Variants in IL7 observed in about 807,000 individuals in gnomAD.
IL7 encodes the protein interleukin-7.
In IL7, 3 loss-of-function variants were observed where a neutral mutation model predicts 21.6. The observed-to-expected ratio is 0.14, with a 90% CI of 0.06 to 0.36. The LOEUF is 0.36. Ranked by LOEUF, IL7 falls within the 10% of genes least tolerant of loss-of-function variation. The pLI is 1.00. For synonymous variants in IL7, 62 were observed against 68.1 expected (o/e 0.91, Z 0.44); for missense variants, 175 against 200.2 (o/e 0.87, Z 0.76).
intron 1 of IL7, among the ~76,000 whole-genome samples, chr8:78,799,084 T>C (rs1370955891): frequency 6.6e-6 from 1 of 152,182 alleles, no homozygotes; most frequent in African/African-American, 2.4e-5. Context: ...GACCTATTTC[T>C]TCATAAACCT....
At chr8:78,772,149 T>A (rs1812979333) in intron 2 of IL7, among the ~76,000 whole-genome samples, 2 of 152,312 alleles carry the variant, frequency 1.3e-5, no homozygotes, top group South Asian at 4.1e-4. Flanking sequence ...TTGGCAGGGC[T>A]AGCATGCAAA....
At position 78,778,374 on chromosome 8, in the gene IL7, G is replaced by C. The variant is rs533505684; in HGVS notation, c.147+19698C>G. ...CCCATTAAAATTGTTATTCCACTCTGAGTCACTAGAGTTCTTGAAGAGGGG... is the reference window on the plus strand; with the variant it reads ...CCCATTAAAATTGTTATTCCACTCTCAGTCACTAGAGTTCTTGAAGAGGGG... On this transcript the variant is annotated intron_variant, in intron 2 of 5. Coordinates refer to ENST00000263851, the MANE Select transcript of IL7 (RefSeq NM_000880.4). 1.4e-4 allele frequency among the ~76,000 whole-genome samples: 21 copies of C among 152,188 alleles called. No homozygotes were observed. The South Asian group carries it at 4.3e-3, about 32-fold the overall frequency.
chr8:78,676,125 T>TA (rs145824687), intron 4 of IL7: 23,178 of 193,204 alleles, frequency 0.12, 273 homozygotes, highest in Middle Eastern at 0.17. Context: ...ACAAACAAAA[T>TA]AAAAAAAAAA....
At chr8:78,750,741 G>A (rs777835138) in intron 2 of IL7, among the ~76,000 whole-genome samples, 5 of 152,074 alleles carry the variant, frequency 3.3e-5, no homozygotes, top group African/African-American at 4.8e-5. Flanking sequence ...GGAGAATGGC[G>A]TGAACCTGAG....
chr8:78,692,795 A>G (rs1381803087), intron 3 of IL7, among the ~76,000 whole-genome samples: 2 of 152,118 alleles, frequency 1.3e-5, no homozygotes, highest in Admixed American at 6.5e-5. Context: ...GGTTTGTTAC[A>G]TACGTGTACA....
intron 2 of IL7, among the ~76,000 whole-genome samples, chr8:78,785,692 C>T (rs1447551313): frequency 6.6e-6 from 1 of 152,088 alleles, no homozygotes; most frequent in East Asian, 1.9e-4. Context: ...TTCTTTTAGT[C>T]TTTTTATTTT....
At chr8:78,690,574 A>G (rs1374062572) in intron 3 of IL7, among the ~76,000 whole-genome samples, 3 of 151,976 alleles carry the variant, frequency 2.0e-5, no homozygotes, top group Non-Finnish European at 4.4e-5. Flanking sequence ...AAAAAAAAAA[A>G]ACTTTGGCCA....
At chr8:78,772,569 G>A (rs868225304) in intron 2 of IL7, among the ~76,000 whole-genome samples, 2 of 151,982 alleles carry the variant, frequency 1.3e-5, no homozygotes, top group South Asian at 4.1e-4. Flanking sequence ...CTAACATCAC[G>A]GATAGGTTCT....
chr8:78,707,071 A>G (rs1469891640), intron 3 of IL7, among the ~76,000 whole-genome samples: 1 of 152,272 alleles, frequency 6.6e-6, no homozygotes, highest in East Asian at 1.9e-4. Flanking sequence ...CAATGAGTTG[A>G]CTCATTGGAT....
exon 5 of IL7, chr8:78,675,860 A>G (rs1236475421): frequency 1.9e-6 from 3 of 1,609,886 alleles, no homozygotes; most frequent in East Asian, 2.2e-5. Context: ...TTCCAGTAGC[A>G]TTAGTGAGTA....
chr8:78,691,970 C>G (rs1810227481), intron 3 of IL7, among the ~76,000 whole-genome samples: 1 of 152,104 alleles, frequency 6.6e-6, no homozygotes, highest in African/African-American at 2.4e-5. Context: ...TTCATGGATA[C>G]AATGTGCAAT....
chr8:78,690,621 A>G (rs1810179381), intron 3 of IL7, among the ~76,000 whole-genome samples: 1 of 152,048 alleles, frequency 6.6e-6, no homozygotes, highest in South Asian at 2.1e-4. Flanking sequence ...TTTATAATTG[A>G]CTTGTCAACA....
At chr8:78,776,757 T>C (rs1252510729) in intron 2 of IL7, among the ~76,000 whole-genome samples, 1 of 152,086 alleles carries the variant, frequency 6.6e-6, no homozygotes, top group Admixed American at 6.6e-5. Context: ...CTATGAAGTA[T>C]GGGTCCTAAT....
chr8:78,687,791 ACATTATATATATTCATG>A (rs1221373315), intron 3 of IL7, among the ~76,000 whole-genome samples: 3 of 134,980 alleles, frequency 2.2e-5, no homozygotes, highest in Non-Finnish European at 3.1e-5. Context: ...TTTACGTAAT[ACATTATATATATTCATG>A]TAATAAATAT....
chr8:78,735,289 T>TG (rs905964032), intron 5 of IL7, among the ~76,000 whole-genome samples: 1 of 123,556 alleles, frequency 8.1e-6, no homozygotes, highest in African/African-American at 3.5e-5. Flanking sequence ...TTTTTTTTTT[T>TG]TTTGTTTTTT....
chr8:78,693,399 T>A (rs1271071241), intron 3 of IL7, among the ~76,000 whole-genome samples: 1 of 152,186 alleles, frequency 6.6e-6, no homozygotes, highest in Non-Finnish European at 1.5e-5. Context: ...ACCTGTTGTT[T>A]CCTGATTTTT....
chr8:78,720,639 T>C, intron 5 of IL7, among the ~76,000 whole-genome samples: 1 of 151,878 alleles, frequency 6.6e-6, no homozygotes. Context: ...CTTTGTTTTG[T>C]TGTGATTTTA....
intron 3 of IL7, among the ~76,000 whole-genome samples, chr8:78,687,805 C>T (rs1810061795): frequency 1.1e-4 from 14 of 131,070 alleles, no homozygotes; most frequent in African/African-American, 2.8e-4. Flanking sequence ...TATATATATT[C>T]ATGTAATAAA....
At chr8:78,722,342 T>C (rs890941459) in intron 3 of IL7, among the ~76,000 whole-genome samples, 1 of 151,990 alleles carries the variant, frequency 6.6e-6, no homozygotes, top group Non-Finnish European at 1.5e-5. Context: ...AGGTATAATT[T>C]TAACGAAATT....
Sources: gnomAD v4.1 joint callset for allele counts (sites outside exome capture counted in the v4.1 genomes callset) on GRCh38, gnomAD v4.1.1 for gene constraint, MANE v1.5 for transcripts, NCBI Gene and HGNC (gene_info 2026-07-23, HGNC 2026-07-21) for gene names.